The following GRIN2B variants were observed in gnomAD, a reference collection of about 807,000 sequenced individuals.
The protein encoded by GRIN2B is glutamate ionotropic receptor NMDA type subunit 2B, also known as glutamate receptor ionotropic, NMDA 2B.
A neutral mutation model predicts 114.5 loss-of-function variants in GRIN2B; 5 were observed. That is an observed-to-expected ratio of 0.04 (90% CI 0.02 to 0.09). The LOEUF (loss-of-function observed/expected upper bound fraction) is 0.09. Ranked by LOEUF, GRIN2B falls within the 10% of genes least tolerant of loss-of-function variation. The probability of loss-of-function intolerance (pLI) is 1.00; values close to 1 mark genes in which losing one functional copy is unlikely to be tolerated. For missense variants in GRIN2B, 1,108 were observed against 1,943.5 expected (o/e 0.57, Z 8.08); for synonymous variants, 787 against 745.1 (o/e 1.06, Z -0.92).
chr12:13,807,922 A>G (rs1017632997), intron 3 of GRIN2B, among the ~76,000 whole-genome samples: 1 of 152,054 alleles, frequency 6.6e-6, no homozygotes, highest in Non-Finnish European at 1.5e-5. Context: ...GCAGCAGTAG[A>G]AAGATAATCC....
At chr12:13,573,180 G>A (rs1045794779) in intron 10 of GRIN2B, among the ~76,000 whole-genome samples, 3 of 149,544 alleles carry the variant, frequency 2.0e-5, no homozygotes, top group Non-Finnish European at 3.0e-5. Flanking sequence ...GGTCGGGCAC[G>A]GTGGCTCACG....
In GRIN2B at chr12:13,601,619, A is replaced by T. The variant is rs189602812; in HGVS notation, c.2010+6984T>A. Among the ~76,000 whole-genome samples the T allele has an allele frequency of 2.6e-3, 397 of 152,164 alleles. 3 individuals carry two copies. The highest frequency in any genetic ancestry group is 9.2e-3 in the African/African-American group (381 of 41,510). ...TACAATTCAACCCACTTCAGGCCCC[A>T]ACAAGGTAGTAGAGCTTAGAGGTGA... On this transcript the variant is annotated intron_variant, in intron 10 of 13. Transcript: ENST00000609686.
At chr12:13,649,725 C>T (rs1949797116) in intron 5 of GRIN2B, among the ~76,000 whole-genome samples, 1 of 152,028 alleles carries the variant, frequency 6.6e-6, no homozygotes, top group Non-Finnish European at 1.5e-5. Context: ...GAAGAAGCTG[C>T]TTGGAAAATA....
chr12:13,691,606 G>A (rs948217205), intron 4 of GRIN2B, among the ~76,000 whole-genome samples: 4 of 152,094 alleles, frequency 2.6e-5, no homozygotes, highest in Admixed American at 6.6e-5. Context: ...AAACACATTC[G>A]ATATGATTGG....
intron 4 of GRIN2B, among the ~76,000 whole-genome samples, chr12:13,691,346 T>C (rs1173014431): frequency 1.4e-5 from 2 of 145,598 alleles, no homozygotes; most frequent in Non-Finnish European, 1.5e-5. Flanking sequence ...ATTTCTTGTT[T>C]GTAGATAACA....
chr12:13,719,693 T>C (rs1324454761), intron 4 of GRIN2B, among the ~76,000 whole-genome samples: 1 of 152,136 alleles, frequency 6.6e-6, no homozygotes, highest in Non-Finnish European at 1.5e-5. Flanking sequence ...TTTGCATCTT[T>C]ACATTGAGTC....
chr12:13,745,044 C>T (rs906867669), intron 4 of GRIN2B, among the ~76,000 whole-genome samples: 1 of 152,114 alleles, frequency 6.6e-6, no homozygotes, highest in Admixed American at 6.6e-5. Flanking sequence ...CCTGACAGCA[C>T]CATTTGAGAG....
intron 3 of GRIN2B, among the ~76,000 whole-genome samples, chr12:13,853,571 A>C (rs1865609064): frequency 6.6e-6 from 1 of 152,206 alleles, no homozygotes; most frequent in South Asian, 2.1e-4. Context: ...GCTACCTCAG[A>C]TGGCACCCCT....
At chr12:13,833,046 C>G (rs1236718081) in intron 3 of GRIN2B, among the ~76,000 whole-genome samples, 1 of 152,150 alleles carries the variant, frequency 6.6e-6, no homozygotes, top group East Asian at 1.9e-4. Context: ...GCTCTGTATA[C>G]TGGATGATAT....
At chr12:13,969,906 G>T (rs546757922) in intron 2 of GRIN2B, among the ~76,000 whole-genome samples, 1 of 152,344 alleles carries the variant, frequency 6.6e-6, no homozygotes, top group African/African-American at 2.4e-5. Context: ...AGGCTGGAGT[G>T]CAGTGGTGCA....
intron 2 of GRIN2B, among the ~76,000 whole-genome samples, chr12:13,912,955 T>C (rs1866649469): frequency 6.6e-6 from 1 of 152,242 alleles, no homozygotes; most frequent in Non-Finnish European, 1.5e-5. Context: ...AGAATTGTAG[T>C]CCCATACCTC....
At chr12:13,798,167 T>C (rs980371989) in intron 3 of GRIN2B, among the ~76,000 whole-genome samples, 1 of 152,212 alleles carries the variant, frequency 6.6e-6, no homozygotes, top group African/African-American at 2.4e-5. Context: ...TCCTGACCCA[T>C]TCTCCTTCCT....
At position 13,548,678 on chromosome 12, in the gene GRIN2B, C is replaced by T. The variant is rs759383716; in HGVS notation, c.*14105G>A. 1.3e-5 allele frequency: 2 copies of T among 152,118 alleles called. No individual in the cohort carries two copies. Among genetic ancestry groups the T allele is most frequent in the Non-Finnish European group, 2.9e-5 (2 of 68,024 alleles). 9.4% of individuals were successfully genotyped at this position (152,118 alleles called of 1,614,324 possible). ...AGGTAGAAATAGCTACTGCCCCTCT[C>T]TCTTAGCTTACTATGATAACACGAT... On this transcript the variant is annotated 3_prime_UTR_variant, in exon 14 of 14. Coordinates refer to ENST00000609686, the MANE Select transcript of GRIN2B (RefSeq NM_000834.5).
intron 2 of GRIN2B, among the ~76,000 whole-genome samples, chr12:13,918,041 A>C (rs945166369): frequency 6.6e-6 from 1 of 152,142 alleles, no homozygotes; most frequent in Non-Finnish European, 1.5e-5. Context: ...AGAAACTGGA[A>C]CCAAGTAGGG....
chr12:13,653,702 T>C (rs911604848), intron 5 of GRIN2B, among the ~76,000 whole-genome samples: 7 of 152,012 alleles, frequency 4.6e-5, no homozygotes, highest in Non-Finnish European at 2.9e-5. Flanking sequence ...GGAAGGGCAA[T>C]TATAATGGAA....
intron 3 of GRIN2B, among the ~76,000 whole-genome samples, chr12:13,827,105 G>C (rs1865052038): frequency 1.3e-5 from 2 of 150,254 alleles, no homozygotes; most frequent in South Asian, 4.2e-4. Context: ...GAAGTCTGCT[G>C]CTATTTTAAC....
intron 3 of GRIN2B, among the ~76,000 whole-genome samples, chr12:13,765,117 A>G (rs1863756501): frequency 6.6e-6 from 1 of 152,218 alleles, no homozygotes; most frequent in Non-Finnish European, 1.5e-5. Context: ...TGGCTCAGCA[A>G]TGACATTTTG....
chr12:13,884,159 A>G (rs146720958), intron 2 of GRIN2B, among the ~76,000 whole-genome samples: 22 of 152,276 alleles, frequency 1.4e-4, no homozygotes, highest in African/African-American at 4.6e-4. Flanking sequence ...TTTGAGTCTT[A>G]CAGACAGGCA....
intron 5 of GRIN2B, among the ~76,000 whole-genome samples, chr12:13,658,874 C>T (rs1325347802): frequency 6.6e-6 from 1 of 151,704 alleles, no homozygotes. Context: ...CCCCTGCCTT[C>T]ACCTTGCTGT....
Sources: gnomAD v4.1 joint callset for allele counts (sites outside exome capture counted in the v4.1 genomes callset) on GRCh38, gnomAD v4.1.1 for gene constraint, MANE v1.5 for transcripts, NCBI Gene and HGNC (gene_info 2026-07-23, HGNC 2026-07-21) for gene names.